The following NRG3 variants were observed in gnomAD, a reference collection of about 807,000 sequenced individuals.
The protein encoded by NRG3 is neuregulin 3.
NRG3 carries 31 observed loss-of-function variants against 66.9 expected under a neutral mutation model. The ratio of observed to expected loss-of-function variants is 0.46; its 90% CI spans 0.35 to 0.63. The LOEUF is 0.63. NRG3 is among the 20% of genes least tolerant of loss of function. NRG3 has a pLI of 0.00. For synonymous variants in NRG3, 393 were observed against 359.4 expected (o/e 1.09, Z -1.06); for missense variants, 910 against 878.9 (o/e 1.04, Z -0.45).
At chr10:82,527,693 C>T (rs1846851906) in intron 2 of NRG3, among the ~76,000 whole-genome samples, 1 of 152,150 alleles carries the variant, frequency 6.6e-6, no homozygotes. Context: ...TCTAACCCTT[C>T]CAGGGAGGTC....
intron 1 of NRG3, among the ~76,000 whole-genome samples, chr10:82,150,527 ACAC>A (rs1192847687): frequency 0.041 from 4,037 of 97,494 alleles, 119 homozygotes; most frequent in African/African-American, 0.1. Context: ...AAAAGAGCAC[ACAC>A]AAAAAAAAAA....
In NRG3 at chr10:82,700,451, T is replaced by G. The variant is rs7922898; in HGVS notation, c.954-38126T>G. 2.9e-3 allele frequency among the ~76,000 whole-genome samples: 448 copies of G among 152,292 alleles called. 4 individuals are homozygous for G. Among genetic ancestry groups the G allele is most frequent in the African/African-American group, 0.01 (422 of 41,580 alleles). ...GTTGGAGGTGGAAAGAGGGCACAGC[T>G]TTTATTTTAAGAATAAAGAATTTCA... On this transcript the variant is annotated intron_variant, in intron 2 of 8. Coordinates refer to ENST00000372141, the MANE Select transcript of NRG3 (RefSeq NM_001010848.4).
intron 4 of NRG3, among the ~76,000 whole-genome samples, chr10:82,949,401 C>A (rs1171105730): frequency 6.6e-6 from 1 of 151,376 alleles, no homozygotes; most frequent in African/African-American, 2.4e-5. Context: ...GAATTTGAAT[C>A]GATTGTTTTT....
At chr10:82,179,555 T>C (rs182803776) in intron 1 of NRG3, among the ~76,000 whole-genome samples, 67 of 152,136 alleles carry the variant, frequency 4.4e-4, no homozygotes, top group Admixed American at 4.4e-3. Context: ...TATTTGACGA[T>C]AAATGCATTG....
At chr10:82,151,424 C>A (rs139056527) in intron 1 of NRG3, among the ~76,000 whole-genome samples, 1 of 152,162 alleles carries the variant, frequency 6.6e-6, no homozygotes, top group Non-Finnish European at 1.5e-5. Context: ...GCAGAGCACA[C>A]GAGGATGAAA....
intron 1 of NRG3, among the ~76,000 whole-genome samples, chr10:81,957,752 A>G (rs1406455855): frequency 6.6e-6 from 1 of 152,236 alleles, no homozygotes; most frequent in Non-Finnish European, 1.5e-5. Context: ...GCACCACTTG[A>G]TAAATGATTC....
At position 82,549,230 on chromosome 10, in the gene NRG3, T is replaced by A. The variant is rs182902406; in HGVS notation, c.954-189347T>A. ...TAGTGCTCAGCATATAACAAGTGTT[T>A]ATAGTTTATGAATTTTCTTTAGAGC... On this transcript the variant is annotated intron_variant, in intron 2 of 8. Transcript: ENST00000372141. Among the ~76,000 whole-genome samples, 14 of 152,286 alleles carry A rather than the reference T, an allele frequency of 9.2e-5. No homozygotes were observed. In the East Asian group the frequency reaches 2.5e-3, roughly 27 times the overall value.
At chr10:82,522,753 C>A (rs1846320035) in intron 2 of NRG3, among the ~76,000 whole-genome samples, 1 of 151,508 alleles carries the variant, frequency 6.6e-6, no homozygotes. Context: ...AACATGGTTT[C>A]CTTTATTTCT....
chr10:82,008,428 GGT>G (rs1411977802), intron 1 of NRG3, among the ~76,000 whole-genome samples: 1 of 152,176 alleles, frequency 6.6e-6, no homozygotes, highest in Admixed American at 6.5e-5. Flanking sequence ...ATATTACATA[GGT>G]GTGCTAAATA....
intron 1 of NRG3, among the ~76,000 whole-genome samples, chr10:82,093,079 A>G (rs897171965): frequency 2.0e-5 from 3 of 152,184 alleles, no homozygotes; most frequent in African/African-American, 7.2e-5. Flanking sequence ...GTCAAGGTCT[A>G]AGATTTATTA....
chr10:82,245,873 C>T (rs2077213357), intron 1 of NRG3, among the ~76,000 whole-genome samples: 1 of 151,878 alleles, frequency 6.6e-6, no homozygotes, highest in East Asian at 1.9e-4. Flanking sequence ...CCTAATTTGC[C>T]CTGCTCTTGG....
At chr10:82,693,155 C>T (rs1443493956) in intron 2 of NRG3, among the ~76,000 whole-genome samples, 1 of 152,110 alleles carries the variant, frequency 6.6e-6, no homozygotes, top group East Asian at 1.9e-4. Context: ...TCCAATTTCC[C>T]CAATCCTATC....
chr10:82,138,301 C>T (rs1198276843), intron 1 of NRG3, among the ~76,000 whole-genome samples: 1 of 151,904 alleles, frequency 6.6e-6, no homozygotes, highest in Non-Finnish European at 1.5e-5. Flanking sequence ...TACAAAATGC[C>T]CAAAGGTAGG....
intron 2 of NRG3, among the ~76,000 whole-genome samples, chr10:82,611,109 T>C (rs1026731045): frequency 3.3e-5 from 5 of 152,064 alleles, no homozygotes; most frequent in Non-Finnish European, 7.4e-5. Context: ...GTCATCTCCA[T>C]AATAAATGAT....
At chr10:82,350,084 C>T (rs562673850) in intron 1 of NRG3, among the ~76,000 whole-genome samples, 2 of 152,182 alleles carry the variant, frequency 1.3e-5, no homozygotes, top group East Asian at 3.9e-4. Flanking sequence ...ATCTTGGCTC[C>T]TCAAAAAAAC....
At chr10:82,601,480 C>G (rs2047623471) in intron 2 of NRG3, among the ~76,000 whole-genome samples, 1 of 152,106 alleles carries the variant, frequency 6.6e-6, no homozygotes, top group Admixed American at 6.6e-5. Flanking sequence ...ATTGGGAGTA[C>G]TGAATCAAAT....
At chr10:81,891,859 A>C (rs962115357) in intron 1 of NRG3, among the ~76,000 whole-genome samples, 5 of 152,116 alleles carry the variant, frequency 3.3e-5, no homozygotes, top group Non-Finnish European at 4.4e-5. Context: ...AGATTCCAGG[A>C]GGCCAGGGTT....
intron 1 of NRG3, among the ~76,000 whole-genome samples, chr10:82,166,466 T>G (rs1256084081): frequency 6.6e-6 from 1 of 152,132 alleles, no homozygotes; most frequent in Non-Finnish European, 1.5e-5. Flanking sequence ...TAATACTTCA[T>G]GTGTAGGAAA....
chr10:82,883,864 T>C (rs1326413869), intron 4 of NRG3, among the ~76,000 whole-genome samples: 1 of 152,062 alleles, frequency 6.6e-6, no homozygotes, highest in Non-Finnish European at 1.5e-5. Context: ...AGTATCCTGA[T>C]TCATCTTTTC....
Sources: gnomAD v4.1 joint callset for allele counts (sites outside exome capture counted in the v4.1 genomes callset) on GRCh38, gnomAD v4.1.1 for gene constraint, MANE v1.5 for transcripts, NCBI Gene and HGNC (gene_info 2026-07-23, HGNC 2026-07-21) for gene names.